The following PRKCH variants were observed in gnomAD, a reference collection of about 807,000 sequenced individuals.
The protein encoded by PRKCH is protein kinase C eta, also known as protein kinase C eta type.
A neutral mutation model predicts 82.5 loss-of-function variants in PRKCH; 28 were observed. The ratio of observed to expected loss-of-function variants is 0.34; its 90% confidence interval spans 0.25 to 0.47. The LOEUF (loss-of-function observed/expected upper bound fraction) is 0.47, where lower values mean the gene tolerates loss of function less well. PRKCH is among the 20% of genes least tolerant of loss of function. The pLI, the probability that PRKCH is intolerant of heterozygous loss-of-function variation, is 1.00. For missense variants in PRKCH, 705 were observed against 881.8 expected, an observed-to-expected ratio of 0.80 and a Z score of 2.54; for synonymous variants, 322 against 327.4, an observed-to-expected ratio of 0.98 and a Z score of 0.18.
intron 10 of PRKCH, chr14:61,525,693 C>T (rs1050974524): frequency 2.0e-5 from 3 of 152,186 alleles, no homozygotes; most frequent in Non-Finnish European, 2.9e-5. Flanking sequence ...CGCTTGAGAC[C>T]GTTTTGGATT....
chr14:61,241,595 C>T (rs76520141), intron 1 of PRKCH, among the ~76,000 whole-genome samples: 1 of 111,600 alleles, frequency 9.0e-6, no homozygotes, highest in Non-Finnish European at 2.0e-5. Flanking sequence ...AATAGGATGA[C>T]CAAATATGTA....
intron 1 of PRKCH, 66 bp from the exon 2 acceptor site, chr14:61,391,159 T>C (rs2046673864): frequency 7.4e-7 from 1 of 1,359,172 alleles, no homozygotes; most frequent in Non-Finnish European, 1.0e-6. Flanking sequence ...CTGTGATGAA[T>C]TGTTTAAGGC....
At chr14:61,506,397 A>G (rs1887151096) in intron 10 of PRKCH, among the ~76,000 whole-genome samples, 1 of 152,066 alleles carries the variant, frequency 6.6e-6, no homozygotes, top group South Asian at 2.1e-4. Context: ...GCTCTGATTG[A>G]AGTCAGGGGG....
At chr14:61,366,182 C>G (rs2046294910) in intron 1 of PRKCH, among the ~76,000 whole-genome samples, 1 of 152,056 alleles carries the variant, frequency 6.6e-6, no homozygotes, top group Admixed American at 6.6e-5. Context: ...AAATCGTACA[C>G]TTTTTGAAAG....
intron 1 of PRKCH, among the ~76,000 whole-genome samples, chr14:61,227,160 A>G (rs948061987): frequency 6.6e-6 from 1 of 152,250 alleles, no homozygotes; most frequent in African/African-American, 2.4e-5. Flanking sequence ...TTGGCAGTAT[A>G]GAACAGCAGT....
chr14:61,398,231 C>T (rs1479006155), intron 2 of PRKCH, among the ~76,000 whole-genome samples: 2 of 152,236 alleles, frequency 1.3e-5, no homozygotes, highest in East Asian at 3.9e-4. Context: ...CCTTCAGATT[C>T]CATCATTGTT....
rs117008614 is a variant in PRKCH at position 61,513,746 on chromosome 14, G to C, written c.1434-15329G>C. Among the ~76,000 whole-genome samples the C allele has an allele frequency of 3.8e-3, 583 of 152,162 alleles. 19 individuals are homozygous for C. In the East Asian group the frequency reaches 0.061, roughly 16 times the overall value. ...TGATAGTTTGTCATACTGTCAAATA[G>C]TTTCGAAAAACTCTGTGCCTCTACT... On this transcript the variant is annotated intron_variant, in intron 10 of 13. Coordinates refer to ENST00000332981, the MANE Select transcript of PRKCH (RefSeq NM_006255.5).
intron 1 of PRKCH, among the ~76,000 whole-genome samples, chr14:61,352,142 C>G (rs1452355037): frequency 6.6e-6 from 1 of 152,130 alleles, no homozygotes; most frequent in Non-Finnish European, 1.5e-5. Flanking sequence ...CCAATGGGAT[C>G]ATCTTTTGAC....
At chr14:61,348,652 C>A (rs1333810533) in intron 1 of PRKCH, among the ~76,000 whole-genome samples, 3 of 152,220 alleles carry the variant, frequency 2.0e-5, no homozygotes, top group South Asian at 2.1e-4. Context: ...GTTCCGCTTC[C>A]TTCTCTCCTG....
At chr14:61,381,710 C>CGG (rs2046512562) in intron 1 of PRKCH, among the ~76,000 whole-genome samples, 1 of 152,212 alleles carries the variant, frequency 6.6e-6, no homozygotes, top group East Asian at 1.9e-4. Context: ...CAGGCTGGTG[C>CGG]CACTCCCAGT....
chr14:61,496,294 G>A (rs914397536), intron 10 of PRKCH, among the ~76,000 whole-genome samples: 1 of 152,222 alleles, frequency 6.6e-6, no homozygotes, highest in Non-Finnish European at 1.5e-5. Flanking sequence ...ACAAAGGTCA[G>A]TGACATTATC....
chr14:61,295,294 T>A (rs2045397657), intron 1 of PRKCH, among the ~76,000 whole-genome samples: 1 of 152,342 alleles, frequency 6.6e-6, no homozygotes, highest in Non-Finnish European at 1.5e-5. Flanking sequence ...CTGTGGTCTC[T>A]AAAGAACTTC....
chr14:61,311,603 A>G (rs1005886641), intron 1 of PRKCH, among the ~76,000 whole-genome samples: 1 of 152,208 alleles, frequency 6.6e-6, no homozygotes, highest in Non-Finnish European at 1.5e-5. Flanking sequence ...TATCTACAGC[A>G]GTGCCCCACT....
chr14:61,321,914 A>C lies in PRKCH; in HGVS notation c.-188A>C. The C allele has an allele frequency of 5.6e-6, 3 of 537,076 alleles. No individual in the cohort carries two copies. The highest frequency in any genetic ancestry group is 6.4e-6 in the Non-Finnish European group (2 of 311,026). 33.3% of individuals were successfully genotyped at this position (537,076 alleles called of 1,614,324 possible). On this transcript the variant is annotated 5_prime_UTR_variant, in exon 1 of 14. Coordinates refer to ENST00000332981, the MANE Select transcript of PRKCH (RefSeq NM_006255.5). The surrounding 1 kb of genome is among the most constrained non-coding windows in gnomAD (Gnocchi z 4.1). ...TCCCCTCCTTTCCACCTCGGGAGGGAGGGAAGGAGGGGAGGGAAAAGTCCC... is the reference window on the plus strand; with the variant it reads ...TCCCCTCCTTTCCACCTCGGGAGGGCGGGAAGGAGGGGAGGGAAAAGTCCC...
intron 10 of PRKCH, among the ~76,000 whole-genome samples, chr14:61,495,760 C>T (rs1489386049): frequency 4.6e-5 from 7 of 152,078 alleles, no homozygotes; most frequent in African/African-American, 1.7e-4. Flanking sequence ...GACAAAACCC[C>T]CTCCTCTCAG....
At chr14:61,370,282 A>G (rs1289082102) in intron 1 of PRKCH, among the ~76,000 whole-genome samples, 1 of 152,136 alleles carries the variant, frequency 6.6e-6, no homozygotes, top group Non-Finnish European at 1.5e-5. Flanking sequence ...TAATACATAA[A>G]CAATATACTT....
chr14:61,219,897 A>T (rs2044641687), intron 1 of PRKCH, among the ~76,000 whole-genome samples: 2 of 152,342 alleles, frequency 1.3e-5, no homozygotes, highest in South Asian at 4.1e-4. Context: ...AGGAGTCAGA[A>T]GGCTCAAGGA....
At chr14:61,285,430 C>T (rs1458031934) in intron 1 of PRKCH, among the ~76,000 whole-genome samples, 2 of 152,132 alleles carry the variant, frequency 1.3e-5, no homozygotes, top group South Asian at 2.1e-4. Context: ...ACTGTGTGAC[C>T]TTGGTCAAAT....
intron 9 of PRKCH, among the ~76,000 whole-genome samples, chr14:61,466,507 G>A (rs114628350): frequency 0.014 from 2,188 of 152,266 alleles, 60 homozygotes; most frequent in African/African-American, 0.05. Context: ...AGACTAGGGG[G>A]TGAGGGATGG....
Sources: gnomAD v4.1 joint callset for allele counts (sites outside exome capture counted in the v4.1 genomes callset) on GRCh38, gnomAD v4.1.1 for gene constraint, Gnocchi (gnomAD v3.1) non-coding constraint, MANE v1.5 for transcripts, NCBI Gene and HGNC (gene_info 2026-07-23, HGNC 2026-07-21) for gene names.